Variants in TBCK observed in about 807,000 individuals in gnomAD.
The protein encoded by TBCK is TBC1 domain containing kinase, also known as TBC domain-containing protein kinase-like protein.
TBCK carries 99 observed loss-of-function variants against 113.4 expected under a neutral mutation model. The observed-to-expected ratio is 0.87, with a 90% CI of 0.74 to 1.03. The LOEUF is 1.03. Among genes scored for constraint, TBCK ranks in the 50% least tolerant of loss-of-function variants. TBCK has a pLI of 0.00. For missense variants in TBCK, 1,045 were observed against 1,061.3 expected, an observed-to-expected ratio of 0.98 and a Z score of 0.21; for synonymous variants, 369 against 370.8, an observed-to-expected ratio of 1.00 and a Z score of 0.05.
At chr4:106,289,543 G>A (rs1384062422) in intron 3 of TBCK, among the ~76,000 whole-genome samples, 2 of 152,054 alleles carry the variant, frequency 1.3e-5, no homozygotes, top group Admixed American at 6.6e-5. Context: ...GGCTGAGGCG[G>A]GCAGATCATG....
chr4:106,091,076 A>G (rs879260637), intron 25 of TBCK, among the ~76,000 whole-genome samples: 30 of 152,192 alleles, frequency 2.0e-4, no homozygotes, highest in Admixed American at 4.6e-4. Flanking sequence ...TGTTGCTATA[A>G]AGAAGTACCT....
At chr4:106,104,484 T>A (rs573418325) in intron 24 of TBCK, among the ~76,000 whole-genome samples, 2,062 of 152,180 alleles carry the variant, frequency 0.014, 48 homozygotes, top group African/African-American at 0.046. Context: ...GCAAACTGCT[T>A]TTTTAAGCAG....
intron 23 of TBCK, among the ~76,000 whole-genome samples, chr4:106,133,929 G>C (rs1560700465): frequency 6.6e-6 from 1 of 152,056 alleles, no homozygotes; most frequent in African/African-American, 2.4e-5. Flanking sequence ...AGAATTGCTT[G>C]AACCTGGGAG....
At chr4:106,277,427 A>C (rs912517915) in intron 3 of TBCK, among the ~76,000 whole-genome samples, 2 of 152,196 alleles carry the variant, frequency 1.3e-5, no homozygotes, top group African/African-American at 4.8e-5. Flanking sequence ...TAATAGCCAA[A>C]ACCCTGAAAA....
At chr4:106,227,351 C>T (rs546307072) in intron 19 of TBCK, among the ~76,000 whole-genome samples, 11 of 147,448 alleles carry the variant, frequency 7.5e-5, no homozygotes, top group African/African-American at 3.0e-4. Context: ...GTACATGATG[C>T]TGAAAAAACA....
chr4:106,209,684 A>G (rs906750188), intron 20 of TBCK, among the ~76,000 whole-genome samples: 2 of 152,084 alleles, frequency 1.3e-5, no homozygotes, highest in African/African-American at 4.8e-5. Context: ...ATATATCACC[A>G]AATTCTATAC....
intron 23 of TBCK, among the ~76,000 whole-genome samples, chr4:106,160,518 T>C (rs1264553702): frequency 6.6e-6 from 1 of 151,612 alleles, no homozygotes; most frequent in Non-Finnish European, 1.5e-5. Context: ...CTATCACTAA[T>C]CATCAGGGAA....
At chr4:106,204,496 ACTG>A (rs1755227449) in intron 20 of TBCK, among the ~76,000 whole-genome samples, 1 of 152,196 alleles carries the variant, frequency 6.6e-6, no homozygotes, top group Non-Finnish European at 1.5e-5. Context: ...GGTGGATAAA[ACTG>A]CTGGCATGTT....
At chr4:106,128,379 C>T (rs1045923230) in intron 23 of TBCK, among the ~76,000 whole-genome samples, 2 of 152,174 alleles carry the variant, frequency 1.3e-5, no homozygotes, top group African/African-American at 4.8e-5. Flanking sequence ...AGCAGAGTTA[C>T]TGAAATCAAG....
intron 2 of TBCK, among the ~76,000 whole-genome samples, chr4:106,305,568 G>C (rs1767430176): frequency 6.6e-6 from 1 of 151,972 alleles, no homozygotes; most frequent in South Asian, 2.1e-4. Context: ...TGTCACCCAG[G>C]CTGGAGTGCA....
At chr4:106,165,624 T>TA (rs1040449653) in intron 23 of TBCK, among the ~76,000 whole-genome samples, 7 of 151,594 alleles carry the variant, frequency 4.6e-5, no homozygotes, top group Admixed American at 3.3e-4. Context: ...GACTGCAAAG[T>TA]AAAAAAAATT....
At chr4:106,298,861 A>G (rs1299213047) in intron 2 of TBCK, among the ~76,000 whole-genome samples, 1 of 152,226 alleles carries the variant, frequency 6.6e-6, no homozygotes, top group African/African-American at 2.4e-5. Context: ...TGAGTAGAAG[A>G]CATAAACAGA....
chr4:106,067,682 G>A (rs139240965), intron 25 of TBCK, among the ~76,000 whole-genome samples: 3 of 152,258 alleles, frequency 2.0e-5, no homozygotes, highest in African/African-American at 7.2e-5. Context: ...ATGGTTTAAT[G>A]TAAGGGTCCA....
intron 25 of TBCK, among the ~76,000 whole-genome samples, chr4:106,055,699 T>C: frequency 6.6e-6 from 1 of 151,748 alleles, no homozygotes; most frequent in South Asian, 2.1e-4. Context: ...CTTATGCAAT[T>C]TTTTTCTTAT....
chr4:106,308,589 T>C (rs918427851), intron 2 of TBCK, among the ~76,000 whole-genome samples, 179 bp downstream of exon 2: 5 of 152,040 alleles, frequency 3.3e-5, no homozygotes, highest in African/African-American at 1.2e-4. Context: ...ACCTGGTAGA[T>C]TTGCAAGTAA....
At chr4:106,245,951 A>T (rs1197772780) in intron 10 of TBCK, among the ~76,000 whole-genome samples, 1 of 152,098 alleles carries the variant, frequency 6.6e-6, no homozygotes, top group South Asian at 2.1e-4. Context: ...AGAAAAAAAC[A>T]TCTGGAATTT....
At chr4:106,238,326 A>G (rs1759700454) in intron 12 of TBCK, among the ~76,000 whole-genome samples, 1 of 152,098 alleles carries the variant, frequency 6.6e-6, no homozygotes, top group Non-Finnish European at 1.5e-5. Context: ...ATGGCAGACA[A>G]GAGATTCTAA....
At chr4:106,194,214 C>T (rs1753962962) in intron 21 of TBCK, among the ~76,000 whole-genome samples, 1 of 152,002 alleles carries the variant, frequency 6.6e-6, no homozygotes, top group Non-Finnish European at 1.5e-5. Context: ...TGTATATCTT[C>T]CAGGCCACTG....
Position 106,068,688 on chromosome 4 carries a change from G to A in TBCK, c.2572-22008C>T, listed in dbSNP as rs901571085. Reference sequence around the variant, plus strand: ...CAGTAATGGGATCACTGGGTCAAATGGTATTTCTGGTTCTAGATCCTTGAG... The same window carrying A: ...CAGTAATGGGATCACTGGGTCAAATAGTATTTCTGGTTCTAGATCCTTGAG... On this transcript the variant is annotated intron_variant, in intron 25 of 25. Coordinates refer to ENST00000394708, the MANE Select transcript of TBCK (RefSeq NM_001163435.3). Among the ~76,000 whole-genome samples the A allele has an allele frequency of 2.0e-5, 3 of 152,212 alleles. No homozygotes were observed. The East Asian group carries it at 5.8e-4, about 29-fold the overall frequency.
Sources: gnomAD v4.1 joint callset for allele counts (sites outside exome capture counted in the v4.1 genomes callset) on GRCh38, gnomAD v4.1.1 for gene constraint, MANE v1.5 for transcripts, NCBI Gene and HGNC (gene_info 2026-07-23, HGNC 2026-07-21) for gene names.